Variants in CATSPERQ observed in about 807,000 individuals in gnomAD.
CATSPERQ encodes catsper channel auxiliary subunit theta.
chr8:144,354,196 A>G, the CATSPERQ span: 5 of 1,543,890 alleles, frequency 3.2e-6, no homozygotes, highest in South Asian at 4.7e-5. The surrounding 1 kb of genome is among the most constrained non-coding windows in gnomAD (Gnocchi z 4.6). Context: ...GCCGGCCCTC[A>G]GGGGAGGAGG....
At chr8:144,354,016 C>T in the CATSPERQ span, 2 of 1,535,378 alleles carry the variant, frequency 1.3e-6, no homozygotes, top group Non-Finnish European at 8.7e-7. This position sits in a 1 kb window ranked among gnomAD's most constrained non-coding sequence, Gnocchi z 4.6. Context: ...CACGGTGCGG[C>T]CCTGGATGGA....
At chr8:144,353,415 C>G in the CATSPERQ span, 4 of 1,535,722 alleles carry the variant, frequency 2.6e-6, no homozygotes, top group Non-Finnish European at 8.7e-7. Flanking sequence ...CATCACAGTG[C>G]CAGCGCCAGG....
chr8:144,354,477 C>G, the CATSPERQ span: 1 of 1,321,358 alleles, frequency 7.6e-7, no homozygotes, highest in Non-Finnish European at 9.9e-7. The surrounding 1 kb of genome is among the most constrained non-coding windows in gnomAD (Gnocchi z 4.6). Flanking sequence ...CCAGGAGCAC[C>G]GGCCGGCCCC....
At chr8:144,354,892 C>T in the CATSPERQ span, 1 of 1,418,522 alleles carries the variant, frequency 7.0e-7, no homozygotes, top group East Asian at 2.5e-5. This position sits in a 1 kb window ranked among gnomAD's most constrained non-coding sequence, Gnocchi z 4.6. Flanking sequence ...AGCAGGAGCT[C>T]ACAGGCGACT....
chr8:144,354,526 G>A, the CATSPERQ span: 2 of 1,441,494 alleles, frequency 1.4e-6, no homozygotes, highest in African/African-American at 1.4e-5. This position sits in a 1 kb window ranked among gnomAD's most constrained non-coding sequence, Gnocchi z 4.6. Context: ...ACCTGGCTCC[G>A]CCCCATTCAG....
At chr8:144,353,810 G>A in the CATSPERQ span, 2 of 1,535,508 alleles carry the variant, frequency 1.3e-6, no homozygotes, top group African/African-American at 2.7e-5. Flanking sequence ...ACCAGCACCA[G>A]GGGCTCCAAC....
At chr8:144,354,446 T>TCGCCTGCGGCCTCTCCGTCC in the CATSPERQ span, 4 of 1,314,774 alleles carry the variant, frequency 3.0e-6, no homozygotes, top group Non-Finnish European at 4.0e-6. This position sits in a 1 kb window ranked among gnomAD's most constrained non-coding sequence, Gnocchi z 4.6. Context: ...AGGCGACGTC[T>TCGCCTGCGGCCTCTCCGTCC]CGCCTGCGGC....
chr8:144,354,165 G>A, the CATSPERQ span: 36 of 1,537,116 alleles, frequency 2.3e-5, no homozygotes, highest in Non-Finnish European at 3.0e-5. The surrounding 1 kb of genome is among the most constrained non-coding windows in gnomAD (Gnocchi z 4.6). Flanking sequence ...GGCGCCACGC[G>A]GAGAGTCTGA....
At chr8:144,353,924 C>T in the CATSPERQ span, 4 of 1,528,140 alleles carry the variant, frequency 2.6e-6, no homozygotes, top group East Asian at 2.5e-5. Context: ...GCTGCCTCCC[C>T]GTCCCTGGCG....
the CATSPERQ span, chr8:144,353,425 G>C: frequency 2.0e-6 from 3 of 1,535,948 alleles, no homozygotes; most frequent in Non-Finnish European, 2.6e-6. Context: ...CCAGCGCCAG[G>C]GGGTGGCCAG....
the CATSPERQ span, chr8:144,353,306 G>A: frequency 4.0e-6 from 6 of 1,489,638 alleles, no homozygotes; most frequent in Admixed American, 9.1e-5. Flanking sequence ...GGGCTGGGAG[G>A]TTACCGAGAA....
the CATSPERQ span, chr8:144,353,994 G>T: frequency 2.0e-6 from 3 of 1,534,718 alleles, no homozygotes; most frequent in African/African-American, 1.4e-5. Flanking sequence ...CCAGATGCAA[G>T]GGGCCCTGGC....
At chr8:144,354,463 G>A in the CATSPERQ span, 5 of 1,307,050 alleles carry the variant, frequency 3.8e-6, no homozygotes, top group African/African-American at 3.1e-5. This position sits in a 1 kb window ranked among gnomAD's most constrained non-coding sequence, Gnocchi z 4.6. Context: ...CGGCCTCTCC[G>A]TCCCCAGGAG....
the CATSPERQ span, chr8:144,354,366 C>T: frequency 3.9e-6 from 6 of 1,519,802 alleles, no homozygotes; most frequent in Admixed American, 2.0e-5. This position sits in a 1 kb window ranked among gnomAD's most constrained non-coding sequence, Gnocchi z 4.6. Context: ...ACGCCCCGGC[C>T]CTGCCCGCAG....
At chr8:144,354,337 G>T in the CATSPERQ span, 1 of 1,532,918 alleles carries the variant, frequency 6.5e-7, no homozygotes, top group Non-Finnish European at 8.7e-7. This position sits in a 1 kb window ranked among gnomAD's most constrained non-coding sequence, Gnocchi z 4.6. Context: ...GAAGACTGGG[G>T]GTGGCGCGGC....
At chr8:144,354,243 C>A in the CATSPERQ span, 1 of 1,542,200 alleles carries the variant, frequency 6.5e-7, no homozygotes, top group East Asian at 2.4e-5. The surrounding 1 kb of genome is among the most constrained non-coding windows in gnomAD (Gnocchi z 4.6). Flanking sequence ...ACACCTCTCT[C>A]AGGGAGCTGA....
the CATSPERQ span, chr8:144,354,671 C>G: frequency 1.3e-6 from 2 of 1,535,228 alleles, no homozygotes; most frequent in East Asian, 4.9e-5. This position sits in a 1 kb window ranked among gnomAD's most constrained non-coding sequence, Gnocchi z 4.6. Context: ...AGGCGTCTGG[C>G]CAGGTGGCGC....
At chr8:144,353,581 C>G in the CATSPERQ span, 1 of 1,491,342 alleles carries the variant, frequency 6.7e-7, no homozygotes, top group Non-Finnish European at 8.9e-7. Context: ...ACCCGAGTCG[C>G]CGTCCAGGCG....
chr8:144,353,290 A>T, the CATSPERQ span: 1 of 1,470,118 alleles, frequency 6.8e-7, no homozygotes, highest in East Asian at 2.5e-5. Flanking sequence ...GATCTGCCCC[A>T]GAGTGGGGCT....
Sources: gnomAD v4.1 joint callset for allele counts on GRCh38, gnomAD v4.1.1 for gene constraint, Gnocchi (gnomAD v3.1) non-coding constraint, MANE v1.5 for transcripts, NCBI Gene and HGNC (gene_info 2026-07-23, HGNC 2026-07-21) for gene names.